The following PTDSS1 variants were observed in gnomAD, a reference collection of about 807,000 sequenced individuals.
PTDSS1 encodes the protein PSS-1.
Under a neutral mutation model 70.5 loss-of-function variants are expected in PTDSS1, and 45 were observed. The ratio of observed to expected loss-of-function variants is 0.64; its 90% CI spans 0.50 to 0.82. The LOEUF (loss-of-function observed/expected upper bound fraction) is 0.82. PTDSS1 is among the 40% of genes least tolerant of loss of function. The pLI, the probability that PTDSS1 is intolerant of heterozygous loss-of-function variation, is 0.00. For synonymous variants in PTDSS1, 188 were observed against 203.8 expected, an observed-to-expected ratio of 0.92 and a Z score of 0.66; for missense variants, 417 against 586.1, an observed-to-expected ratio of 0.71 and a Z score of 2.98.
intron 7 of PTDSS1, among the ~76,000 whole-genome samples, chr8:96,305,473 G>A (rs79093443): frequency 6.6e-6 from 1 of 152,054 alleles, no homozygotes. Context: ...GAGCAGCCAC[G>A]TCCCAGCCAC....
chr8:96,316,015 CTT>C (rs1163291691), intron 9 of PTDSS1, among the ~76,000 whole-genome samples: 3 of 152,178 alleles, frequency 2.0e-5, no homozygotes, highest in Non-Finnish European at 4.4e-5. Context: ...ACTAGCCACT[CTT>C]TGAGTCTTGG....
intron 9 of PTDSS1, among the ~76,000 whole-genome samples, chr8:96,310,382 T>C (rs991170843): frequency 1.3e-5 from 2 of 151,484 alleles, no homozygotes; most frequent in Non-Finnish European, 2.9e-5. Context: ...TCAGGCTGGT[T>C]TCTAACTCTG....
At chr8:96,270,667 A>G (rs1345195011) in intron 1 of PTDSS1, among the ~76,000 whole-genome samples, 1 of 152,240 alleles carries the variant, frequency 6.6e-6, no homozygotes, top group African/African-American at 2.4e-5. Context: ...TGATTGCAGA[A>G]GTTTGATCTT....
At chr8:96,284,393 T>C (rs896989133) in intron 3 of PTDSS1, among the ~76,000 whole-genome samples, 7 of 152,244 alleles carry the variant, frequency 4.6e-5, no homozygotes, top group African/African-American at 1.7e-4. Context: ...CTTATGTTGT[T>C]GTCTCTTAAT....
intron 4 of PTDSS1, among the ~76,000 whole-genome samples, chr8:96,289,111 T>G (rs757397238): frequency 2.0e-5 from 3 of 152,038 alleles, no homozygotes; most frequent in Non-Finnish European, 4.4e-5. Flanking sequence ...ATTTTTCTAT[T>G]TTTAGTAGAG....
intron 2 of PTDSS1, among the ~76,000 whole-genome samples, chr8:96,278,243 A>G (rs916135053): frequency 3.3e-5 from 5 of 152,230 alleles, no homozygotes. Context: ...AACCAGTTCC[A>G]AGGACAGAAA....
rs141655559 is a variant in PTDSS1 at position 96,289,126 on chromosome 8, G to C, written c.441+1980G>C. Among the ~76,000 whole-genome samples, 535 of 152,046 alleles carry C rather than the reference G, an allele frequency of 3.5e-3. 4 individuals are homozygous for C. Among genetic ancestry groups the C allele is most frequent in the African/African-American group, 0.012 (508 of 41,438 alleles). The stretch of plus-strand genomic sequence containing the variant: ...ATTTTTCTATTTTTAGTAGAGACAG[G>C]GTTTCACCATGTTGGCCAGGCTAGT... On this transcript the variant is annotated intron_variant, in intron 4 of 12. Coordinates refer to ENST00000517309, the MANE Select transcript of PTDSS1 (RefSeq NM_014754.3).
intron 2 of PTDSS1, among the ~76,000 whole-genome samples, chr8:96,281,590 T>C (rs1810737356): frequency 6.6e-6 from 1 of 152,196 alleles, no homozygotes; most frequent in Non-Finnish European, 1.5e-5. Flanking sequence ...TGGTAAAGCC[T>C]GCGCCATGCC....
chr8:96,299,594 C>T, intron 5 of PTDSS1, 100 bp from the exon 6 acceptor site: 1 of 1,258,490 alleles, frequency 7.9e-7, no homozygotes. Context: ...ATGTCAACAA[C>T]TTCTTCTAAA....
intron 4 of PTDSS1, among the ~76,000 whole-genome samples, chr8:96,292,614 T>C (rs894330058): frequency 9.9e-5 from 15 of 152,240 alleles, no homozygotes; most frequent in Non-Finnish European, 1.2e-4. Context: ...GGAAGGTTTA[T>C]AAGCAGAGGA....
rs183262213 is a variant in PTDSS1, at chr8:96,288,617, C to T, written c.441+1471C>T. 2.0e-3 allele frequency among the ~76,000 whole-genome samples: 282 copies of T among 142,076 alleles called. 3 individuals carry two copies. The highest frequency in any genetic ancestry group is 7.2e-3 in the African/African-American group (262 of 36,200). 93.2% of individuals were successfully genotyped at this position (142,076 alleles called of 152,430 possible). On this transcript the variant is annotated intron_variant, in intron 4 of 12. Coordinates refer to ENST00000517309, the MANE Select transcript of PTDSS1 (RefSeq NM_014754.3). ...CTGGGATTACAGGCATGAGCCACCA[C>T]GCTTGGCCTTTTTTTTTTTTTTTTT...
intron 1 of PTDSS1, among the ~76,000 whole-genome samples, chr8:96,265,055 CTA>C (rs555072576): frequency 1.1e-3 from 167 of 152,284 alleles, no homozygotes; most frequent in African/African-American, 3.9e-3. Context: ...AATGATAGCT[CTA>C]TATTCCTCCA....
intron 9 of PTDSS1, among the ~76,000 whole-genome samples, chr8:96,317,877 C>CAG (rs1811317062): frequency 1.5e-5 from 2 of 132,406 alleles, no homozygotes; most frequent in Admixed American, 1.6e-4. Context: ...GCTTTTGTTT[C>CAG]AGTGTGTGTG....
At position 96,274,401 on chromosome 8, in the gene PTDSS1, T is replaced by A. The variant is rs538522894; in HGVS notation, c.271+1011T>A. Among the ~76,000 whole-genome samples, 10 of 152,284 alleles carry A rather than the reference T, an allele frequency of 6.6e-5. No individual in the cohort carries two copies. The South Asian group carries it at 8.3e-4, about 13-fold the overall frequency. On this transcript the variant is annotated intron_variant, in intron 2 of 12. Coordinates refer to ENST00000517309, the MANE Select transcript of PTDSS1 (RefSeq NM_014754.3). ...ATGGTGGCAGTGGAATTTTGTCCTATTTTTTGAGATACGAGTCATCTAGAA... is the reference window on the plus strand; with the variant it reads ...ATGGTGGCAGTGGAATTTTGTCCTAATTTTTGAGATACGAGTCATCTAGAA...
Position 96,262,037 on chromosome 8 carries a change from G to A in PTDSS1, c.-4G>A, listed in dbSNP as rs372474323. On this transcript the variant is annotated 5_prime_UTR_variant, in exon 1 of 13. Coordinates refer to ENST00000517309, the MANE Select transcript of PTDSS1 (RefSeq NM_014754.3). The surrounding 1 kb of genome is among the most constrained non-coding windows in gnomAD (Gnocchi z 4.4). ...GCCACCGCGGCAGGACGGGGAGGCG[G>A]GCCATGGCGTCCTGCGTGGGGAGCC... is the stretch of plus-strand genomic sequence containing the variant. 2.5e-6 allele frequency: 4 copies of A among 1,611,010 alleles called. No individual in the cohort carries two copies. The African/African-American group carries it at 4.0e-5, about 16-fold the overall frequency.
chr8:96,290,026 A>G (rs1810879646), intron 4 of PTDSS1, among the ~76,000 whole-genome samples: 1 of 152,130 alleles, frequency 6.6e-6, no homozygotes, highest in Non-Finnish European at 1.5e-5. Flanking sequence ...AGGGCTCTTT[A>G]TATTCTACAT....
chr8:96,309,101 G>A (rs748652649), intron 8 of PTDSS1: 1 of 153,300 alleles, frequency 6.5e-6, no homozygotes, highest in Non-Finnish European at 1.4e-5. Flanking sequence ...AGCTAGACAT[G>A]GAAACACCCA....
At chr8:96,322,234 C>CT (rs747275889) in intron 10 of PTDSS1, among the ~76,000 whole-genome samples, 22 of 152,316 alleles carry the variant, frequency 1.4e-4, no homozygotes, top group South Asian at 4.1e-4. Context: ...GCAGCCCTCT[C>CT]TGGTCCCTGT....
chr8:96,267,055 C>T (rs1026575673), intron 1 of PTDSS1, among the ~76,000 whole-genome samples: 1 of 152,152 alleles, frequency 6.6e-6, no homozygotes, highest in Non-Finnish European at 1.5e-5. Context: ...AACCTTAATT[C>T]AAGTTCATCT....
Sources: allele counts gnomAD v4.1 joint callset (sites outside exome capture counted in the v4.1 genomes callset), GRCh38; gene constraint gnomAD v4.1.1; non-coding constraint Gnocchi (gnomAD v3.1); transcripts MANE v1.5; gene names NCBI Gene and HGNC (gene_info 2026-07-23, HGNC 2026-07-21).